Variants in UBE2E2 observed in about 807,000 individuals in gnomAD.
UBE2E2 encodes the protein ubiquitin-conjugating enzyme E2 E2.
Under a neutral mutation model 24.7 loss-of-function variants are expected in UBE2E2, and 6 were observed. That is an observed-to-expected ratio of 0.24 (90% CI 0.13 to 0.48). The LOEUF is 0.48. Among genes scored for constraint, UBE2E2 ranks in the 20% least tolerant of loss-of-function variants. The pLI is 0.99. For synonymous variants in UBE2E2, 104 were observed against 83.6 expected, an observed-to-expected ratio of 1.24 and a Z score of -1.33; for missense variants, 169 against 245.0, an observed-to-expected ratio of 0.69 and a Z score of 2.07.
At chr3:23,287,351 T>A (rs536587214) in intron 3 of UBE2E2, among the ~76,000 whole-genome samples, 17 of 152,266 alleles carry the variant, frequency 1.1e-4, no homozygotes, top group Admixed American at 7.2e-4. Flanking sequence ...ATTTTTGCAT[T>A]AGTGATCATT....
At chr3:23,501,724 A>C (rs1699724324) in intron 4 of UBE2E2, among the ~76,000 whole-genome samples, 2 of 152,286 alleles carry the variant, frequency 1.3e-5, no homozygotes, top group South Asian at 4.2e-4. Flanking sequence ...AGTAGATTTC[A>C]GTTTTCTCTG....
intron 5 of UBE2E2, among the ~76,000 whole-genome samples, chr3:23,572,595 G>A (rs1308510161): frequency 6.6e-6 from 1 of 152,002 alleles, no homozygotes; most frequent in African/African-American, 2.4e-5. Flanking sequence ...ATCTGTGTGT[G>A]CCCAGGCTTA....
chr3:23,332,675 GTGTGTGTGT>G (rs142915147), intron 3 of UBE2E2, among the ~76,000 whole-genome samples: 41,221 of 106,398 alleles, frequency 0.39, 6,958 homozygotes, highest in Admixed American at 0.55. Context: ...AGCCAGTGGG[GTGTGTGTGT>G]GTGTGTGTGT....
chr3:23,447,404 A>G lies in UBE2E2; in HGVS notation c.228-52204A>G, dbSNP rs558893656. Among the ~76,000 whole-genome samples, 9 of 152,292 alleles carry G rather than the reference A, an allele frequency of 5.9e-5. No individual in the cohort carries two copies. In the South Asian group the frequency reaches 1.2e-3, roughly 21 times the overall value. On this transcript the variant is annotated intron_variant, in intron 3 of 5. Transcript: ENST00000396703. ...ACATATTTTAACCTTTCTGATATCA[A>G]TTACTTTGGGACAAGTAGTTATTGT...
Position 23,468,146 on chromosome 3 carries a change from AT to A in UBE2E2, c.228-31458del, listed in dbSNP as rs571224514. 2.5e-4 allele frequency among the ~76,000 whole-genome samples: 38 copies of A among 152,034 alleles called. No individual in the cohort carries two copies. The East Asian group carries it at 6.0e-3, about 24-fold the overall frequency. ...TCTTGCTCCACATGGACCATTCAGGATTTTGCTATTCACTGTGTATTTTTAA... is the reference window on the plus strand; with the variant it reads ...TCTTGCTCCACATGGACCATTCAGGATTTGCTATTCACTGTGTATTTTTAA... On this transcript the variant is annotated intron_variant, in intron 3 of 5. Coordinates refer to ENST00000396703, the MANE Select transcript of UBE2E2 (RefSeq NM_152653.4).
At position 23,543,839 on chromosome 3, in the gene UBE2E2, C is replaced by A. The variant is rs904630444; in HGVS notation, c.508+11138C>A. On this transcript the variant is annotated intron_variant, in intron 5 of 5. Transcript: ENST00000396703. The stretch of plus-strand genomic sequence containing the variant: ...AATTATACTACAAGTCTGTGGTAAC[C>A]AACAGCATGGTATTGTTATAAAAGT... Among the ~76,000 whole-genome samples, 4 of 152,058 alleles carry A rather than the reference C, an allele frequency of 2.6e-5. No homozygotes were observed. In the East Asian group the frequency reaches 7.7e-4, roughly 29 times the overall value.
At chr3:23,586,647 T>C (rs1048414651) in intron 5 of UBE2E2, among the ~76,000 whole-genome samples, 1 of 152,184 alleles carries the variant, frequency 6.6e-6, no homozygotes, top group Non-Finnish European at 1.5e-5. Flanking sequence ...ACTTTATCCC[T>C]TCATTTTATA....
At chr3:23,579,236 T>A (rs1696413517) in intron 5 of UBE2E2, among the ~76,000 whole-genome samples, 1 of 151,858 alleles carries the variant, frequency 6.6e-6, no homozygotes, top group African/African-American at 2.4e-5. Flanking sequence ...ATACAAAAAA[T>A]TAGCCAGGCA....
At chr3:23,284,881 G>C (rs1260060654) in intron 3 of UBE2E2, among the ~76,000 whole-genome samples, 1 of 149,954 alleles carries the variant, frequency 6.7e-6, no homozygotes, top group Non-Finnish European at 1.5e-5. Flanking sequence ...ATTACTGACT[G>C]TAGCCACCCT....
At chr3:23,356,531 A>G (rs1292842420) in intron 3 of UBE2E2, among the ~76,000 whole-genome samples, 1 of 152,092 alleles carries the variant, frequency 6.6e-6, no homozygotes, top group Admixed American at 6.6e-5. Context: ...CTTATCCCGA[A>G]TTTATTTTTG....
At chr3:23,305,870 C>A (rs1375441305) in intron 3 of UBE2E2, among the ~76,000 whole-genome samples, 1 of 152,148 alleles carries the variant, frequency 6.6e-6, no homozygotes, top group Admixed American at 6.6e-5. Context: ...GCTGAGATTA[C>A]AGGTGTGAGC....
At chr3:23,240,220 C>T (rs1575495431) in intron 3 of UBE2E2, among the ~76,000 whole-genome samples, 1 of 152,280 alleles carries the variant, frequency 6.6e-6, no homozygotes, top group East Asian at 1.9e-4. Flanking sequence ...AAGGACAGTC[C>T]TTCCTTTCGC....
At chr3:23,430,792 AT>A (rs1698042944) in intron 3 of UBE2E2, among the ~76,000 whole-genome samples, 1 of 152,134 alleles carries the variant, frequency 6.6e-6, no homozygotes, top group Non-Finnish European at 1.5e-5. Context: ...AAGGGCTAAG[AT>A]TACTGGTGTG....
intron 3 of UBE2E2, among the ~76,000 whole-genome samples, chr3:23,495,660 T>C (rs964922767): frequency 1.3e-5 from 2 of 152,232 alleles, no homozygotes; most frequent in African/African-American, 4.8e-5. Context: ...GGTTTAATTA[T>C]AGCTCAGGGC....
rs1553621694 is a variant in UBE2E2, at chr3:23,568,720, C to CATATATATGTATACATATAT, written c.509-21005_509-20986dup. Among the ~76,000 whole-genome samples, 604 of 132,968 alleles carry CATATATATGTATACATATAT rather than the reference C, an allele frequency of 4.5e-3. 13 individuals carry two copies. Among genetic ancestry groups the CATATATATGTATACATATAT allele is most frequent in the African/African-American group, 0.018 (584 of 32,686 alleles). 87.2% of individuals were successfully genotyped at this position (132,968 alleles called of 152,430 possible). A position where few individuals can be genotyped will look rare whatever the true frequency, so the allele number is the denominator to read the frequency against. ...ACATATATATATACATGTATATACA[C>CATATATATGTATACATATAT]ATATATATGTATACATATATATATA... is the stretch of plus-strand genomic sequence containing the variant. On this transcript the variant is annotated intron_variant, in intron 5 of 5. Coordinates refer to ENST00000396703, the MANE Select transcript of UBE2E2 (RefSeq NM_152653.4).
chr3:23,225,785 A>G (rs1696802576), intron 3 of UBE2E2, among the ~76,000 whole-genome samples: 1 of 152,116 alleles, frequency 6.6e-6, no homozygotes, highest in African/African-American at 2.4e-5. Flanking sequence ...AGGCATTCCC[A>G]GTGGAAATGG....
At chr3:23,231,494 G>T (rs1011975760) in intron 3 of UBE2E2, among the ~76,000 whole-genome samples, 15 of 152,174 alleles carry the variant, frequency 9.9e-5, no homozygotes, top group African/African-American at 3.1e-4. Flanking sequence ...GTCAACACAA[G>T]ACTTCTGTAG....
At position 23,313,732 on chromosome 3, in the gene UBE2E2, A is replaced by G. The variant is rs77547279; in HGVS notation, c.227+96420A>G. Among the ~76,000 whole-genome samples the G allele has an allele frequency of 3.6e-3, 546 of 151,896 alleles. 13 individuals carry two copies. In the East Asian group the frequency reaches 0.059, roughly 17 times the overall value. On this transcript the variant is annotated intron_variant, in intron 3 of 5. Transcript: ENST00000396703. ...TCCACTCTGTGTCTCTTGATTGGAG[A>G]GTATAGTCCACTTACATTCAGTGTT...
At chr3:23,354,714 A>G (rs968833078) in intron 3 of UBE2E2, among the ~76,000 whole-genome samples, 2 of 152,188 alleles carry the variant, frequency 1.3e-5, no homozygotes, top group African/African-American at 4.8e-5. Context: ...GCAATCACTA[A>G]AAAGTCAGGA....
Sources: gnomAD v4.1 joint callset for allele counts (sites outside exome capture counted in the v4.1 genomes callset) on GRCh38, gnomAD v4.1.1 for gene constraint, MANE v1.5 for transcripts, NCBI Gene and HGNC (gene_info 2026-07-23, HGNC 2026-07-21) for gene names.